Variants in KLHL29 observed in about 807,000 individuals in gnomAD.
KLHL29 encodes kelch-like protein 29.
KLHL29 carries 21 observed loss-of-function variants against 80.4 expected under a neutral mutation model. The ratio of observed to expected loss-of-function variants is 0.26; its 90% CI spans 0.19 to 0.38. The LOEUF (loss-of-function observed/expected upper bound fraction) is 0.38, where lower values mean the gene tolerates loss of function less well. Ranked by LOEUF, KLHL29 falls within the 10% of genes least tolerant of loss-of-function variation. KLHL29 has a pLI of 1.00. For synonymous variants in KLHL29, 511 were observed against 526.8 expected (o/e 0.97, Z 0.41); for missense variants, 867 against 1,223.9 (o/e 0.71, Z 4.35).
intron 2 of KLHL29, among the ~76,000 whole-genome samples, chr2:23,482,516 A>G (rs930683868): frequency 1.4e-4 from 21 of 152,152 alleles, no homozygotes; most frequent in Non-Finnish European, 1.5e-5. Flanking sequence ...AACTTGCACA[A>G]AAGCATCCAT....
At chr2:23,583,590 G>A (rs534914167) in intron 3 of KLHL29, among the ~76,000 whole-genome samples, 10 of 152,308 alleles carry the variant, frequency 6.6e-5, no homozygotes, top group Non-Finnish European at 1.5e-4. Context: ...CGTCATTTAC[G>A]TGCAGTGGTG....
chr2:23,677,696 C>A (rs903756889), intron 5 of KLHL29, among the ~76,000 whole-genome samples: 2 of 152,222 alleles, frequency 1.3e-5, no homozygotes, highest in Admixed American at 6.5e-5. Flanking sequence ...GCGCGTGGAG[C>A]AGCAGCGGGA....
Position 23,691,301 on chromosome 2 carries a change from C to T in KLHL29, c.1080-373C>T, listed in dbSNP as rs1384720848. 6.8e-5 allele frequency: 19 copies of T among 278,112 alleles called. No individual in the cohort carries two copies. In the East Asian group the frequency reaches 8.2e-4, roughly 12 times the overall value. 17.2% of individuals were successfully genotyped at this position (278,112 alleles called of 1,614,324 possible). A position where few individuals can be genotyped will look rare whatever the true frequency, so the allele number is the denominator to read the frequency against. On this transcript the variant is annotated intron_variant, in intron 6 of 13. Coordinates refer to ENST00000486442, the MANE Select transcript of KLHL29 (RefSeq NM_052920.2). Reference sequence around the variant, plus strand: ...ATCTGCCACCCAAGGCAGGCAGGGCCGGGCTGGGATGCGTCGGCCTGCTTT... The same window carrying T: ...ATCTGCCACCCAAGGCAGGCAGGGCTGGGCTGGGATGCGTCGGCCTGCTTT...
intron 1 of KLHL29, among the ~76,000 whole-genome samples, chr2:23,444,661 T>C (rs1663623217): frequency 6.6e-6 from 1 of 152,174 alleles, no homozygotes; most frequent in Non-Finnish European, 1.5e-5. Context: ...CGTTAACATG[T>C]TTACCTGTTT....
At chr2:23,448,020 C>T (rs950545784) in intron 1 of KLHL29, among the ~76,000 whole-genome samples, 3 of 152,006 alleles carry the variant, frequency 2.0e-5, no homozygotes, top group Admixed American at 6.6e-5. Flanking sequence ...CAGGATAGCT[C>T]GTGCATAGAA....
chr2:23,546,069 T>A (rs368060993), intron 2 of KLHL29, among the ~76,000 whole-genome samples: 1 of 152,122 alleles, frequency 6.6e-6, no homozygotes, highest in Admixed American at 6.5e-5. Flanking sequence ...CAGGGCCTGC[T>A]GCAGCTGAGA....
intron 2 of KLHL29, among the ~76,000 whole-genome samples, chr2:23,481,476 C>T (rs553301327): frequency 2.0e-5 from 3 of 152,240 alleles, no homozygotes; most frequent in Non-Finnish European, 4.4e-5. Context: ...CTGGGCACAG[C>T]TCCCACCCCA....
At chr2:23,531,250 T>C (rs1450079543) in intron 2 of KLHL29, among the ~76,000 whole-genome samples, 1 of 152,252 alleles carries the variant, frequency 6.6e-6, no homozygotes, top group Non-Finnish European at 1.5e-5. Flanking sequence ...GCAGCCACCC[T>C]GTGGGTTCCA....
intron 2 of KLHL29, among the ~76,000 whole-genome samples, chr2:23,511,918 A>G (rs1653772): frequency 0.99 from 150,682 of 152,258 alleles, 74,569 homozygotes; most frequent in East Asian, 1. Flanking sequence ...GTTGTTTTAA[A>G]CAGTATTCAC....
intron 1 of KLHL29, among the ~76,000 whole-genome samples, chr2:23,464,660 G>A (rs1664299410): frequency 6.6e-6 from 1 of 152,068 alleles, no homozygotes; most frequent in South Asian, 2.1e-4. Context: ...TCCCCTTTTT[G>A]AGGGCATCCA....
intron 1 of KLHL29, among the ~76,000 whole-genome samples, chr2:23,420,125 A>G (rs1486899980): frequency 6.6e-6 from 1 of 152,140 alleles, no homozygotes; most frequent in African/African-American, 2.4e-5. Flanking sequence ...CTCGCCCACC[A>G]TCAGATCACT....
intron 4 of KLHL29, among the ~76,000 whole-genome samples, chr2:23,639,812 C>G (rs973334937): frequency 2.6e-5 from 4 of 152,194 alleles, no homozygotes; most frequent in Non-Finnish European, 4.4e-5. Context: ...ATTTGGCCCT[C>G]CACACAACAG....
intron 3 of KLHL29, among the ~76,000 whole-genome samples, chr2:23,592,613 G>A (rs868516263): frequency 3.0e-4 from 45 of 152,330 alleles, no homozygotes; most frequent in African/African-American, 7.9e-4. Context: ...CTTTGGGGTC[G>A]CATGGAATTT....
intron 2 of KLHL29, among the ~76,000 whole-genome samples, chr2:23,545,891 G>A (rs895078191): frequency 3.9e-5 from 6 of 152,168 alleles, no homozygotes; most frequent in South Asian, 2.1e-4. Flanking sequence ...CCTTCCTCCC[G>A]CCTCATCCAA....
At chr2:23,597,403 ATATATTTTTTTTTTTTTTTTTTT>A (rs1668452056) in intron 3 of KLHL29, among the ~76,000 whole-genome samples, 2 of 39,756 alleles carry the variant, frequency 5.0e-5, no homozygotes, top group Non-Finnish European at 9.3e-5. Flanking sequence ...ATATATATAT[ATATATTTTTTTTTTTTTTTTTTT>A]TTTTTTTTTT....
chr2:23,461,826 G>C (rs780032042), intron 1 of KLHL29, among the ~76,000 whole-genome samples: 3 of 151,914 alleles, frequency 2.0e-5, no homozygotes, highest in Non-Finnish European at 4.4e-5. Flanking sequence ...TGCTTTTCAG[G>C]GTTTTTAATT....
At chr2:23,572,024 G>C (rs562664280) in intron 3 of KLHL29, among the ~76,000 whole-genome samples, 9 of 152,242 alleles carry the variant, frequency 5.9e-5, no homozygotes, top group Admixed American at 2.0e-4. Flanking sequence ...CCCGGCACTC[G>C]CTGCTGCATA....
intron 11 of KLHL29, chr2:23,697,936 G>A (rs927009033): frequency 6.6e-6 from 1 of 152,200 alleles, no homozygotes; most frequent in African/African-American, 2.4e-5. Flanking sequence ...AACTGAACTG[G>A]ATCCGTCATT....
intron 5 of KLHL29, among the ~76,000 whole-genome samples, chr2:23,658,549 C>A (rs1048425681): frequency 2.0e-5 from 3 of 152,190 alleles, no homozygotes; most frequent in African/African-American, 7.2e-5. Flanking sequence ...AGGCTCCGTT[C>A]TTCTGGGCCG....
Sources: allele counts gnomAD v4.1 joint callset (sites outside exome capture counted in the v4.1 genomes callset), GRCh38; gene constraint gnomAD v4.1.1; transcripts MANE v1.5; gene names NCBI Gene and HGNC (gene_info 2026-07-23, HGNC 2026-07-21).